C14orf132: variants seen among roughly 807,000 people sequenced by gnomAD.
C14orf132 encodes the protein uncharacterized protein C14orf132.
A neutral mutation model predicts 5.8 loss-of-function variants in C14orf132; 6 were observed. The ratio of observed to expected loss-of-function variants is 1.03; its 90% confidence interval spans 0.57 to 2.04. C14orf132 has a LOEUF of 2.04. Ranked by LOEUF, C14orf132 falls within the 30% of genes most tolerant of loss-of-function variation. The probability of loss-of-function intolerance (pLI) is 0.00; values close to 1 mark genes in which losing one functional copy is unlikely to be tolerated. For missense variants in C14orf132, 125 were observed against 115.8 expected, an observed-to-expected ratio of 1.08 and a Z score of -0.37; for synonymous variants, 51 against 49.8, an observed-to-expected ratio of 1.02 and a Z score of -0.10.
rs531488097 is a variant in C14orf132 at position 96,080,258 on chromosome 14, T to A, written c.28-6253T>A. The stretch of plus-strand genomic sequence containing the variant: ...AGGGCAGGGCTGGAGCAGGGCCAGA[T>A]CTCAGGTCTCCAGGCCCAGAGCAGT... On this transcript the variant is annotated intron_variant, in intron 1 of 1. Transcript: ENST00000555004. Among the ~76,000 whole-genome samples the A allele has an allele frequency of 2.6e-5, 4 of 152,240 alleles. 1 individual carries two copies. The highest frequency in any genetic ancestry group is 9.6e-5 in the African/African-American group (4 of 41,556).
At chr14:96,040,410 GT>G in intron 1 of C14orf132, 1 of 397,558 alleles carries the variant, frequency 2.5e-6, no homozygotes, top group East Asian at 3.6e-5. Context: ...ACCTTCTCTG[GT>G]TGTGTTGGTT....
chr14:96,051,270 T>C (rs1438505187), intron 1 of C14orf132: 2 of 398,448 alleles, frequency 5.0e-6, no homozygotes, highest in Non-Finnish European at 8.8e-6. Flanking sequence ...AGCCAGTCTT[T>C]GATTCAGGTG....
chr14:96,068,779 G>T (rs955041346), intron 1 of C14orf132, among the ~76,000 whole-genome samples: 1 of 152,090 alleles, frequency 6.6e-6, no homozygotes, highest in African/African-American at 2.4e-5. Context: ...GACCGTGATG[G>T]TTCATTTAAA....
chr14:96,059,095 C>T (rs182704553), intron 1 of C14orf132, among the ~76,000 whole-genome samples: 112 of 152,294 alleles, frequency 7.4e-4, no homozygotes, highest in Admixed American at 2.2e-3. Context: ...GACTCTGTCT[C>T]TACAAAAACT....
At chr14:96,064,363 T>TACAG (rs1555385085) in intron 1 of C14orf132, among the ~76,000 whole-genome samples, 1 of 135,858 alleles carries the variant, frequency 7.4e-6, no homozygotes, top group African/African-American at 2.8e-5. Flanking sequence ...GGTGCATATA[T>TACAG]ACACACACAC....
chr14:96,042,497 C>T (rs10132623), intron 1 of C14orf132, among the ~76,000 whole-genome samples: 3,260 of 152,306 alleles, frequency 0.021, 104 homozygotes, highest in African/African-American at 0.074. Context: ...ACCAGATCCA[C>T]GTGACTCCAA....
In C14orf132 at chr14:96,085,257, G is replaced by A. The variant is rs531648295; in HGVS notation, c.28-1254G>A. ...CAGAATACTGTCTCATGCGGTGCTC[G>A]GTAACTGTGCATCCGATGCAGGCCT... On this transcript the variant is annotated intron_variant, in intron 1 of 1. Transcript: ENST00000555004. 2.1e-3 allele frequency among the ~76,000 whole-genome samples: 322 copies of A among 152,316 alleles called. 3 individuals carry two copies. Among genetic ancestry groups the A allele is most frequent in the Non-Finnish European group, 1.8e-3 (124 of 68,022 alleles).
chr14:96,066,526 A>G (rs1320606559), intron 1 of C14orf132, among the ~76,000 whole-genome samples: 2 of 152,144 alleles, frequency 1.3e-5, no homozygotes, highest in African/African-American at 4.8e-5. Flanking sequence ...CTCCTCCACC[A>G]TGTATATATT....
chr14:96,055,486 G>T (rs760802105), intron 1 of C14orf132, among the ~76,000 whole-genome samples: 2 of 152,162 alleles, frequency 1.3e-5, no homozygotes, highest in African/African-American at 2.4e-5. Context: ...CACAGAACAG[G>T]ATTCTATGGA....
intron 1 of C14orf132, among the ~76,000 whole-genome samples, chr14:96,057,107 T>C (rs373207897): frequency 6.6e-6 from 1 of 152,258 alleles, no homozygotes; most frequent in Non-Finnish European, 1.5e-5. Context: ...GCAAAACTCA[T>C]GTTGAAACTT....
Position 96,064,687 on chromosome 14 carries a change from A to AG in C14orf132, c.28-21819dup, listed in dbSNP as rs1469914575. On this transcript the variant is annotated intron_variant, in intron 1 of 1. Coordinates refer to ENST00000555004, the MANE Select transcript of C14orf132 (RefSeq NM_001252507.3). ...TGAGAACTTGGGGGAAGAGTGGAAG[A>AG]GGGGGCATAAAAGACTACAAATACG... is the stretch of plus-strand genomic sequence containing the variant. Among the ~76,000 whole-genome samples the AG allele has an allele frequency of 2.6e-5, 4 of 151,872 alleles. No individual in the cohort carries two copies. In the East Asian group the frequency reaches 7.7e-4, roughly 29 times the overall value.
Position 96,039,538 on chromosome 14 carries a change from G to T in C14orf132, c.27+11G>T, listed in dbSNP as rs1484233412. The T allele has an allele frequency of 2.0e-6, 3 of 1,500,434 alleles. No individual in the cohort carries two copies. The highest frequency in any genetic ancestry group is 2.7e-6 in the Non-Finnish European group (3 of 1,127,772). The allele number at this position is 1,500,434 out of a possible 1,614,324, so 92.9% of individuals were successfully genotyped here. A position where few individuals can be genotyped will look rare whatever the true frequency, so the allele number is the denominator to read the frequency against. Reference sequence around the variant, plus strand: ...TTTATGGCCGCGCAGGTAACGGGGCGTCCCCCCCACGCGCCCCGGGCCGCC... The same window carrying T: ...TTTATGGCCGCGCAGGTAACGGGGCTTCCCCCCCACGCGCCCCGGGCCGCC... On this transcript the variant is annotated intron_variant, in intron 1 of 1. Transcript: ENST00000555004. The surrounding 1 kb of genome is among the most constrained non-coding windows in gnomAD (Gnocchi z 5.3).
At chr14:96,076,866 A>T (rs567359152) in intron 1 of C14orf132, among the ~76,000 whole-genome samples, 23 of 152,326 alleles carry the variant, frequency 1.5e-4, no homozygotes, top group Admixed American at 1.4e-3. Flanking sequence ...TCAGTTCAGA[A>T]TATTTGCTAG....
In C14orf132 at chr14:96,039,655, C is replaced by T; in HGVS notation, c.27+128C>T. 1.0e-6 allele frequency: 1 copy of T among 990,136 alleles called. No individual in the cohort carries two copies. Among genetic ancestry groups the T allele is most frequent in the Non-Finnish European group, 1.4e-6 (1 of 739,998 alleles). The allele number at this position is 990,136 out of a possible 1,614,324, so 61.3% of individuals were successfully genotyped here. The stretch of plus-strand genomic sequence containing the variant: ...GCGATCCGCGTCCCGGTCCTTTGTC[C>T]CGAGCCGGACACCCCCACTTGGTGC... On this transcript the variant is annotated intron_variant, in intron 1 of 1. Transcript: ENST00000555004. The surrounding 1 kb of genome is among the most constrained non-coding windows in gnomAD (Gnocchi z 5.3).
chr14:96,041,743 G>A (rs902312459), intron 1 of C14orf132, among the ~76,000 whole-genome samples: 4 of 152,334 alleles, frequency 2.6e-5, no homozygotes, highest in South Asian at 2.1e-4. Flanking sequence ...AGTTTGCAGC[G>A]AAATGTTGGT....
In C14orf132 at chr14:96,068,495, A is replaced by G. The variant is rs185374691; in HGVS notation, c.28-18016A>G. ...CTGTCTGTAGAAAGAGGCAGACCCCACCCACTGATACCCTCTACAGGGAGT... is the reference window on the plus strand; with the variant it reads ...CTGTCTGTAGAAAGAGGCAGACCCCGCCCACTGATACCCTCTACAGGGAGT... On this transcript the variant is annotated intron_variant, in intron 1 of 1. Transcript: ENST00000555004. Among the ~76,000 whole-genome samples, 100 of 152,240 alleles carry G rather than the reference A, an allele frequency of 6.6e-4. 1 individual carries two copies. The highest frequency in any genetic ancestry group is 2.2e-3 in the African/African-American group (93 of 41,522).
At chr14:96,081,737 C>A (rs144200383) in intron 1 of C14orf132, among the ~76,000 whole-genome samples, 4 of 151,938 alleles carry the variant, frequency 2.6e-5, no homozygotes, top group African/African-American at 7.3e-5. Context: ...TAGCTGGGAC[C>A]ACAAGTGTGC....
At chr14:96,040,282 AC>A in intron 1 of C14orf132, 1 of 398,536 alleles carries the variant, frequency 2.5e-6, no homozygotes, top group Non-Finnish European at 4.4e-6. Context: ...CAGAACAAAG[AC>A]AAATCCCGGA....
At chr14:96,081,035 T>C (rs899379185) in intron 1 of C14orf132, among the ~76,000 whole-genome samples, 3 of 152,356 alleles carry the variant, frequency 2.0e-5, no homozygotes, top group Admixed American at 1.3e-4. Flanking sequence ...CATGTTTGCC[T>C]TGTCTTTCCT....
Sources: allele counts gnomAD v4.1 joint callset (sites outside exome capture counted in the v4.1 genomes callset), GRCh38; gene constraint gnomAD v4.1.1; non-coding constraint Gnocchi (gnomAD v3.1); transcripts MANE v1.5; gene names NCBI Gene and HGNC (gene_info 2026-07-23, HGNC 2026-07-21).